The following XYLB variants were observed in gnomAD, a reference collection of about 807,000 sequenced individuals.
XYLB encodes the protein xylulokinase, also known as xylulose kinase.
In XYLB, 62 loss-of-function variants were observed where a neutral mutation model predicts 78.7. That is an observed-to-expected ratio of 0.79 (90% confidence interval 0.64 to 0.97). XYLB has a LOEUF of 0.97. XYLB is among the 50% of genes least tolerant of loss of function. XYLB has a pLI of 0.00. For synonymous variants in XYLB, 245 were observed against 247.4 expected (o/e 0.99, Z 0.09); for missense variants, 687 against 676.8 (o/e 1.02, Z -0.17).
the XYLB span, among the ~76,000 whole-genome samples, chr3:38,445,771 C>A: frequency 7.2e-4 from 110 of 152,274 alleles, 1 homozygote; most frequent in South Asian, 0.022. Flanking sequence ...AAGCCTGACA[C>A]CCATGTCTTT....
downstream of XYLB, among the ~76,000 whole-genome samples, chr3:38,416,556 A>T (rs959731542): frequency 3.9e-5 from 6 of 152,206 alleles, no homozygotes; most frequent in Non-Finnish European, 7.3e-5. Context: ...TTACAAACCA[A>T]TGTCTTATTG....
At chr3:38,350,332 T>A (rs1705294358) in intron 2 of XYLB, among the ~76,000 whole-genome samples, 1 of 152,236 alleles carries the variant, frequency 6.6e-6, no homozygotes, top group Admixed American at 6.5e-5. Flanking sequence ...AATTGGTCTT[T>A]TCAACTAAGC....
At position 38,348,535 on chromosome 3, in the gene XYLB, T is replaced by A. The variant is rs1198870224; in HGVS notation, c.58-15T>A. ...GAGGAAAATTCTACACTTCCTTTTTTAAAATGCCTTTCAGGTAAAGGTTGT... is the reference window on the plus strand; with the variant it reads ...GAGGAAAATTCTACACTTCCTTTTTAAAAATGCCTTTCAGGTAAAGGTTGT... On this transcript the variant is annotated splice_polypyrimidine_tract_variant and intron_variant, in intron 1 of 18. Coordinates refer to ENST00000207870, the MANE Select transcript of XYLB (RefSeq NM_005108.4). 1 of 1,613,956 alleles carries A rather than the reference T, an allele frequency of 6.2e-7. No individual in the cohort carries two copies. The highest frequency in any genetic ancestry group is 8.5e-7 in the Non-Finnish European group (1 of 1,179,838).
the XYLB span, among the ~76,000 whole-genome samples, chr3:38,432,535 C>A: frequency 6.6e-6 from 1 of 152,194 alleles, no homozygotes; most frequent in East Asian, 1.9e-4. Context: ...ACCCTGCACT[C>A]CTGCCTGGTG....
chr3:38,416,059 C>T (rs901910647), downstream of XYLB, among the ~76,000 whole-genome samples: 2 of 152,174 alleles, frequency 1.3e-5, no homozygotes, highest in Admixed American at 6.5e-5. Context: ...GATCCAGTCA[C>T]CTCTCACCAG....
chr3:38,392,929 T>C (rs1707728917), intron 15 of XYLB, among the ~76,000 whole-genome samples: 1 of 152,234 alleles, frequency 6.6e-6, no homozygotes, highest in Non-Finnish European at 1.5e-5. Flanking sequence ...GTTTCTCCTG[T>C]TGATGTTACA....
chr3:38,361,401 A>G (rs1203920398), intron 3 of XYLB, among the ~76,000 whole-genome samples: 1 of 150,900 alleles, frequency 6.6e-6, no homozygotes, highest in African/African-American at 2.5e-5. Flanking sequence ...CCAATTCCCT[A>G]TATTACATTC....
the XYLB span, among the ~76,000 whole-genome samples, chr3:38,439,481 G>A: frequency 3.3e-5 from 5 of 152,198 alleles, no homozygotes; most frequent in African/African-American, 7.2e-5. Flanking sequence ...TTTGAAAGGC[G>A]GCCAGACGCA....
chr3:38,382,027 C>T (rs991586629), intron 15 of XYLB, among the ~76,000 whole-genome samples: 2 of 152,280 alleles, frequency 1.3e-5, no homozygotes, highest in Non-Finnish European at 2.9e-5. Flanking sequence ...ATCCTACCAA[C>T]GTGGGATGTC....
At chr3:38,424,716 G>A (rs755202650), downstream of XYLB, among the ~76,000 whole-genome samples, 2 of 152,264 alleles carry the variant, frequency 1.3e-5, no homozygotes, top group Admixed American at 6.5e-5. Flanking sequence ...TTCTTCATAC[G>A]TGGTTCATTC....
the XYLB span, among the ~76,000 whole-genome samples, chr3:38,444,341 C>T: frequency 1.3e-5 from 2 of 152,090 alleles, no homozygotes; most frequent in African/African-American, 2.4e-5. Flanking sequence ...TTGGAGATTT[C>T]TTTGCTTGTT....
chr3:38,446,626 C>T, the XYLB span, among the ~76,000 whole-genome samples: 7 of 152,144 alleles, frequency 4.6e-5, no homozygotes, highest in African/African-American at 1.4e-4. Context: ...ATATTTATAG[C>T]CAACGAATCT....
intron 15 of XYLB, among the ~76,000 whole-genome samples, chr3:38,391,487 GA>G (rs1167570231): frequency 2.5e-4 from 38 of 152,310 alleles, no homozygotes; most frequent in African/African-American, 8.9e-4. Context: ...TGCTGCTTTA[GA>G]TCAACGTCAT....
chr3:38,423,457 A>C (rs762275462), downstream of XYLB, among the ~76,000 whole-genome samples: 19 of 152,238 alleles, frequency 1.2e-4, no homozygotes, highest in Admixed American at 2.6e-4. Flanking sequence ...AACCTATGGG[A>C]GCATTGCAGC....
chr3:38,377,239 T>C (rs1451996158), intron 14 of XYLB, among the ~76,000 whole-genome samples: 2 of 152,068 alleles, frequency 1.3e-5, no homozygotes, highest in Non-Finnish European at 2.9e-5. Flanking sequence ...ATTTAACAAA[T>C]GCTAACACTA....
At chr3:38,401,939 C>T (rs1374308598) in intron 18 of XYLB, among the ~76,000 whole-genome samples, 1 of 152,140 alleles carries the variant, frequency 6.6e-6, no homozygotes, top group Non-Finnish European at 1.5e-5. Flanking sequence ...TGCAAGCTAA[C>T]AAGTGAGCCT....
rs554849378 is a variant in XYLB, at chr3:38,414,107, T to C, written c.*1094T>C. ...CTGACTCCTGCAGACTCTTCCAGAT[T>C]TTTCTGCCCAAGGCCTTTACTGAGC... is the stretch of plus-strand genomic sequence containing the variant. On this transcript the variant is annotated 3_prime_UTR_variant, in exon 19 of 19. Transcript: ENST00000207870. The C allele has an allele frequency of 1.1e-4, 17 of 152,310 alleles. No homozygotes were observed. The highest frequency in any genetic ancestry group is 4.1e-4 in the African/African-American group (17 of 41,548). The allele number at this position is 152,310 out of a possible 1,614,324, so 9.4% of individuals were successfully genotyped here. A position where few individuals can be genotyped will look rare whatever the true frequency, so the allele number is the denominator to read the frequency against.
At chr3:38,433,787 T>C in the XYLB span, among the ~76,000 whole-genome samples, 1 of 152,210 alleles carries the variant, frequency 6.6e-6, no homozygotes, top group Non-Finnish European at 1.5e-5. Context: ...TCCCACATTT[T>C]CGTGTCTGCA....
chr3:38,364,789 A>C (rs976523001), intron 4 of XYLB, among the ~76,000 whole-genome samples: 2 of 152,168 alleles, frequency 1.3e-5, no homozygotes, highest in African/African-American at 2.4e-5. Flanking sequence ...ATAGGGATGA[A>C]AGTATCCTAT....
Sources: gnomAD v4.1 joint callset for allele counts (sites outside exome capture counted in the v4.1 genomes callset) on GRCh38, gnomAD v4.1.1 for gene constraint, MANE v1.5 for transcripts, NCBI Gene and HGNC (gene_info 2026-07-23, HGNC 2026-07-21) for gene names.